The following APBA1 variants were observed in gnomAD, a reference collection of about 807,000 sequenced individuals.
APBA1 encodes amyloid-beta A4 precursor protein-binding family A member 1.
A neutral mutation model predicts 86.6 loss-of-function variants in APBA1; 55 were observed. The observed-to-expected ratio is 0.64, with a 90% CI of 0.51 to 0.80. The LOEUF is 0.80. Among genes scored for constraint, APBA1 ranks in the 30% least tolerant of loss-of-function variants. The pLI, the probability that APBA1 is intolerant of heterozygous loss-of-function variation, is 0.00. For synonymous variants in APBA1, 511 were observed against 493.9 expected (o/e 1.03, Z -0.46); for missense variants, 1,090 against 1,183.0 (o/e 0.92, Z 1.15).
In APBA1 at chr9:69,646,369, G is replaced by C. The variant is rs566447775; in HGVS notation, c.-70+25784C>G. ...ATATTTTTAAAACATATAGAAAACA[G>C]GTCTGTTTTCTTCTGTAATTGTGCT... On this transcript the variant is annotated intron_variant, in intron 1 of 12. Transcript: ENST00000265381. 5.2e-4 allele frequency among the ~76,000 whole-genome samples: 79 copies of C among 152,234 alleles called. 1 individual carries two copies. Among genetic ancestry groups the C allele is most frequent in the African/African-American group, 1.9e-3 (79 of 41,530 alleles).
chr9:69,538,407 G>A (rs1836547752), intron 1 of APBA1, among the ~76,000 whole-genome samples: 1 of 152,200 alleles, frequency 6.6e-6, no homozygotes, highest in Non-Finnish European at 1.5e-5. Flanking sequence ...GTAGGTGAAA[G>A]GATTTGCTGG....
chr9:69,587,100 C>T (rs571216294), intron 1 of APBA1, among the ~76,000 whole-genome samples: 1 of 152,296 alleles, frequency 6.6e-6, no homozygotes, highest in African/African-American at 2.4e-5. Context: ...TTGCCACTGG[C>T]ATCCATTCAT....
At chr9:69,529,240 T>C (rs1436155782) in intron 1 of APBA1, among the ~76,000 whole-genome samples, 1 of 152,084 alleles carries the variant, frequency 6.6e-6, no homozygotes, top group African/African-American at 2.4e-5. Context: ...TACTAAATGA[T>C]TAAAAGCAGC....
intron 11 of APBA1, among the ~76,000 whole-genome samples, 154 bp downstream of exon 11, chr9:69,440,842 G>C (rs1834806850): frequency 6.6e-6 from 1 of 152,142 alleles, no homozygotes; most frequent in Non-Finnish European, 1.5e-5. Flanking sequence ...ACCTCAGTTG[G>C]AAATGCAGAA....
chr9:69,458,295 G>A, intron 5 of APBA1, 107 bp from the exon 6 acceptor site: 1 of 966,158 alleles, frequency 1.0e-6, no homozygotes, highest in Non-Finnish European at 1.5e-6. Context: ...GTGGCATAAA[G>A]CGTTTCTGTG....
intron 2 of APBA1, 114 bp from the exon 3 acceptor site, chr9:69,476,257 G>A: frequency 1.5e-6 from 1 of 679,690 alleles, no homozygotes; most frequent in Non-Finnish European, 2.5e-6. Context: ...AACAGACACT[G>A]CAGTGGGGAG....
chr9:69,450,833 AAG>A (rs1564033698), intron 9 of APBA1, among the ~76,000 whole-genome samples: 2 of 151,948 alleles, frequency 1.3e-5, no homozygotes, highest in African/African-American at 2.4e-5. Context: ...CAAAAAAAAA[AAG>A]AGGAAATTTG....
chr9:69,598,760 T>C (rs1231266620), intron 1 of APBA1, among the ~76,000 whole-genome samples: 1 of 152,186 alleles, frequency 6.6e-6, no homozygotes, highest in Non-Finnish European at 1.5e-5. Flanking sequence ...GTATCCAGAC[T>C]AGCCTTGGGC....
At chr9:69,632,849 ATAT>A (rs1823076253) in intron 1 of APBA1, among the ~76,000 whole-genome samples, 1 of 152,142 alleles carries the variant, frequency 6.6e-6, no homozygotes, top group African/African-American at 2.4e-5. Flanking sequence ...CAAACGAATG[ATAT>A]TCTGTATCAT....
intron 1 of APBA1, among the ~76,000 whole-genome samples, chr9:69,536,279 C>A (rs1454739298): frequency 1.3e-5 from 2 of 150,500 alleles, no homozygotes; most frequent in Admixed American, 1.3e-4. Context: ...GAAAGCAGTA[C>A]ACATGAAAAA....
intron 11 of APBA1, among the ~76,000 whole-genome samples, chr9:69,434,850 T>C (rs1834674217): frequency 6.6e-6 from 1 of 151,912 alleles, no homozygotes; most frequent in Non-Finnish European, 1.5e-5. Context: ...AACGTGCAGG[T>C]TTGTTACATA....
At chr9:69,618,123 A>G (rs999977102) in intron 1 of APBA1, among the ~76,000 whole-genome samples, 3 of 152,230 alleles carry the variant, frequency 2.0e-5, no homozygotes, top group South Asian at 4.1e-4. Context: ...TAATGGCGCC[A>G]TGCAAGTTGC....
At chr9:69,458,740 CTTGGATTAT>C (rs1835142112) in intron 5 of APBA1, among the ~76,000 whole-genome samples, 1 of 150,784 alleles carries the variant, frequency 6.6e-6, no homozygotes, top group Admixed American at 6.6e-5. Flanking sequence ...TTCTTAGAAC[CTTGGATTAT>C]TTGGAATTGT....
At chr9:69,485,653 C>T (rs1331977) in intron 2 of APBA1, among the ~76,000 whole-genome samples, 109,506 of 151,916 alleles carry the variant, frequency 0.72, 39,822 homozygotes, top group East Asian at 0.82. Context: ...TGAACCCGGA[C>T]GTCTATCTAG....
chr9:69,543,145 T>C (rs1396415157), intron 1 of APBA1, among the ~76,000 whole-genome samples: 1 of 152,216 alleles, frequency 6.6e-6, no homozygotes, highest in Non-Finnish European at 1.5e-5. Flanking sequence ...CTCAATGGAT[T>C]TAAAACAGAC....
intron 9 of APBA1, 97 bp downstream of exon 9, chr9:69,452,025 C>T: frequency 8.6e-7 from 1 of 1,168,824 alleles, no homozygotes; most frequent in Non-Finnish European, 1.3e-6. Context: ...GCACTCCTCA[C>T]CATTGATCTC....
chr9:69,636,947 G>GAA (rs2134004200), intron 1 of APBA1, among the ~76,000 whole-genome samples: 1 of 148,848 alleles, frequency 6.7e-6, no homozygotes, highest in African/African-American at 2.5e-5. Flanking sequence ...AAGAAAGAAA[G>GAA]AAAGAAAGAA....
intron 1 of APBA1, among the ~76,000 whole-genome samples, chr9:69,542,511 T>C (rs1388940715): frequency 6.6e-6 from 1 of 152,208 alleles, no homozygotes; most frequent in East Asian, 1.9e-4. Context: ...ACAGTTTATT[T>C]ATCCATTCAC....
At chr9:69,556,977 G>T (rs1386883176) in intron 1 of APBA1, among the ~76,000 whole-genome samples, 1 of 152,106 alleles carries the variant, frequency 6.6e-6, no homozygotes, top group East Asian at 1.9e-4. Context: ...AGAATTTCTA[G>T]GTCAGCAAAA....
Sources: gnomAD v4.1 joint callset for allele counts (sites outside exome capture counted in the v4.1 genomes callset) on GRCh38, gnomAD v4.1.1 for gene constraint, MANE v1.5 for transcripts, NCBI Gene and HGNC (gene_info 2026-07-23, HGNC 2026-07-21) for gene names.